Variants in BRD4 observed in about 807,000 individuals in gnomAD.
BRD4 encodes bromodomain containing 4.
A neutral mutation model predicts 142.1 loss-of-function variants in BRD4; 16 were observed. The observed-to-expected ratio is 0.11, with a 90% CI of 0.08 to 0.17. The LOEUF is 0.17. Ranked by LOEUF, BRD4 falls within the 10% of genes least tolerant of loss-of-function variation. The pLI is 1.00. For synonymous variants in BRD4, 833 were observed against 707.5 expected, an observed-to-expected ratio of 1.18 and a Z score of -2.82; for missense variants, 1,424 against 1,810.9, an observed-to-expected ratio of 0.79 and a Z score of 3.88.
At chr19:15,287,065 T>C (rs1346231420) in intron 1 of BRD4, among the ~76,000 whole-genome samples, 2 of 152,324 alleles carry the variant, frequency 1.3e-5, no homozygotes, top group South Asian at 2.1e-4. Context: ...TAAATCAACC[T>C]GCTCAACTAA....
intron 1 of BRD4, among the ~76,000 whole-genome samples, chr19:15,301,570 A>C (rs1309083249): frequency 1.4e-5 from 2 of 145,652 alleles, no homozygotes; most frequent in African/African-American, 2.6e-5. Context: ...CTCAAAACAA[A>C]AAAAAAAAAG....
At chr19:15,276,967 G>A (rs963090458) in intron 1 of BRD4, among the ~76,000 whole-genome samples, 1 of 152,172 alleles carries the variant, frequency 6.6e-6, no homozygotes, top group African/African-American at 2.4e-5. Context: ...GACCAGAGGC[G>A]GGGGAAGAGT....
chr19:15,239,451 C>T lies in BRD4; in HGVS notation c.3517G>A (p.Gly1173Arg), dbSNP rs2145500813. Residue 1173 changes from glycine to arginine, a missense_variant, in exon 17 of 20, where the codon GGG (glycine) becomes AGG (arginine). Gly to Arg is a moderately radical substitution (Grantham distance 125). This residue lies in a region of BRD4 where 598 missense variants were observed against 647.8 expected (regional missense o/e 0.92). Coordinates refer to ENST00000679869, the MANE Select transcript of BRD4 (RefSeq NM_001379291.1). The surrounding 1 kb of genome is among the most constrained non-coding windows in gnomAD (Gnocchi z 7.4). ...RPPEQNAPPP[G>R]APDKDKQKQE... The stretch of plus-strand genomic sequence containing the variant: ...TTCTGTTTGTCCTTGTCAGGGGCCC[C>T]TGGTGGCGGTGCGTTCTGCTCTGGG... 1 of 1,614,162 alleles carries T rather than the reference C, an allele frequency of 6.2e-7. No homozygotes were observed. Among genetic ancestry groups the T allele is most frequent in the Non-Finnish European group, 8.5e-7 (1 of 1,180,028 alleles).
At chr19:15,278,211 A>G (rs1227833629) in intron 1 of BRD4, among the ~76,000 whole-genome samples, 2 of 151,046 alleles carry the variant, frequency 1.3e-5, no homozygotes, top group African/African-American at 4.9e-5. Flanking sequence ...GGATTTGTGC[A>G]GCATCCAACA....
chr19:15,243,909 G>T (rs572599626), intron 13 of BRD4, among the ~76,000 whole-genome samples: 45 of 152,332 alleles, frequency 3.0e-4, no homozygotes, highest in Non-Finnish European at 4.7e-4. Flanking sequence ...AAAAGCTGCA[G>T]AGGGGTCCCA....
intron 11 of BRD4, chr19:15,249,383 C>A: frequency 8.7e-6 from 14 of 1,600,070 alleles, no homozygotes; most frequent in Non-Finnish European, 1.0e-5. Context: ...ACTGAGCCAA[C>A]CTCCTGCGCC....
chr19:15,239,334 C>CA lies in BRD4; in HGVS notation c.3576+57dup. The CA allele has an allele frequency of 1.2e-6, 2 of 1,614,078 alleles. No homozygotes were observed. Among genetic ancestry groups the CA allele is most frequent in the Non-Finnish European group, 1.7e-6 (2 of 1,180,014 alleles). ...TAAAGGGCATAGCTGGGGGTGTGCC[C>CA]AGCATGGCACCTTCCAGGGCCAAGG... On this transcript the variant is annotated intron_variant, in intron 17 of 19. Coordinates refer to ENST00000679869, the MANE Select transcript of BRD4 (RefSeq NM_001379291.1). The surrounding 1 kb of genome is among the most constrained non-coding windows in gnomAD (Gnocchi z 7.4).
intron 1 of BRD4, among the ~76,000 whole-genome samples, chr19:15,314,756 G>A (rs1057233518): frequency 6.6e-6 from 1 of 152,110 alleles, no homozygotes; most frequent in Admixed American, 6.6e-5. Flanking sequence ...TTACCACAGG[G>A]GACAGTGGCT....
At position 15,237,024 on chromosome 19, in the gene BRD4, A is replaced by T; in HGVS notation, c.*1353T>A. 4.9e-6 allele frequency: 1 copy of T among 205,540 alleles called. No individual in the cohort carries two copies. Among genetic ancestry groups the T allele is most frequent in the Non-Finnish European group, 9.9e-6 (1 of 101,026 alleles). 12.7% of individuals were successfully genotyped at this position (205,540 alleles called of 1,614,324 possible). On this transcript the variant is annotated 3_prime_UTR_variant, in exon 20 of 20. Transcript: ENST00000679869. Reference sequence around the variant, plus strand: ...GGCTCCAATTATAAAAATTAAAAAAAAAAAAAAAAAAAAGCATGGGCAGGA... The same window carrying T: ...GGCTCCAATTATAAAAATTAAAAAATAAAAAAAAAAAAAGCATGGGCAGGA...
intron 5 of BRD4, 66 bp from the exon 6 acceptor site, chr19:15,264,832 T>G (rs1218138986): frequency 3.5e-5 from 54 of 1,543,404 alleles, no homozygotes; most frequent in Non-Finnish European, 4.5e-5. Context: ...GCCCTCAGGG[T>G]CACCCCCAAA....
chr19:15,329,677 T>A (rs965598198), intron 1 of BRD4, among the ~76,000 whole-genome samples: 6 of 152,142 alleles, frequency 3.9e-5, no homozygotes, highest in Admixed American at 3.9e-4. Context: ...AGGCAGAGGT[T>A]GCAGTGAGCC....
At chr19:15,256,332 G>A (rs1599452151) in intron 8 of BRD4, 69 bp from the exon 9 acceptor site, 8 of 1,558,936 alleles carry the variant, frequency 5.1e-6, no homozygotes, top group Non-Finnish European at 6.0e-6. Context: ...AGACCCAGGC[G>A]TCTGCTCCAA....
Position 15,239,372 on chromosome 19 carries a change from C to G in BRD4, c.3576+20G>C. The G allele has an allele frequency of 6.2e-7, 1 of 1,614,170 alleles. No homozygotes were observed. Among genetic ancestry groups the G allele is most frequent in the Non-Finnish European group, 8.5e-7 (1 of 1,180,032 alleles). ...TCCAGGGCCAAGGGGCAAGCGACAC[C>G]CATGGACCTCCATCCCAACCTTTTT... On this transcript the variant is annotated intron_variant, in intron 17 of 19. Coordinates refer to ENST00000679869, the MANE Select transcript of BRD4 (RefSeq NM_001379291.1). The surrounding 1 kb of genome is among the most constrained non-coding windows in gnomAD (Gnocchi z 7.4).
In BRD4 at chr19:15,264,580, T is replaced by C; in HGVS notation, c.1036A>G (p.Lys346Glu). The change falls in exon 6 of 20, where the codon AAG becomes GAG. Residue 346 changes from lysine to glutamate, a missense_variant. Physicochemically the swap from Lys to Glu is moderately conservative, Grantham distance 56. Coordinates refer to ENST00000679869, the MANE Select transcript of BRD4 (RefSeq NM_001379291.1). ...PDSQQHPAPEKSSKVSEQLKC... is the reference protein window; with the variant it reads ...PDSQQHPAPEESSKVSEQLKC... ...AGCTGCTCCGAGACCTTGCTGCTCT[T>C]CTCTGGTGCTGGGTGCTGCTGAGAG... 1 of 1,614,170 alleles carries C rather than the reference T, an allele frequency of 6.2e-7. No homozygotes were observed. Among genetic ancestry groups the C allele is most frequent in the Non-Finnish European group, 8.5e-7 (1 of 1,180,022 alleles).
At chr19:15,263,204 A>G (rs2047492999) in intron 7 of BRD4, among the ~76,000 whole-genome samples, 1 of 152,194 alleles carries the variant, frequency 6.6e-6, no homozygotes, top group African/African-American at 2.4e-5. Context: ...GTGCTGGTGG[A>G]GGGGGCTTGC....
chr19:15,293,417 A>G (rs928516126), intron 1 of BRD4, among the ~76,000 whole-genome samples: 2 of 152,320 alleles, frequency 1.3e-5, no homozygotes, highest in East Asian at 3.9e-4. Flanking sequence ...TAGCAGTTAA[A>G]GGTACAAGAC....
intron 7 of BRD4, among the ~76,000 whole-genome samples, chr19:15,262,232 T>TCA (rs1189443643): frequency 1.3e-5 from 2 of 152,120 alleles, no homozygotes; most frequent in African/African-American, 4.8e-5. Flanking sequence ...TTCCAAGTCC[T>TCA]CACTTCTGCC....
rs1192169871 is a variant in BRD4 at position 15,243,329 on chromosome 19, C to T, written c.2740G>A (p.Glu914Lys). ...PMAQPPQVLL[E>K]DEEPPAPPLT... Reference sequence around the variant, plus strand: ...GGTGGGGCAGGTGGCTCTTCATCCTCCAGCAGCACTTGGGGGGGTTGGGCC... The same window carrying T: ...GGTGGGGCAGGTGGCTCTTCATCCTTCAGCAGCACTTGGGGGGGTTGGGCC... The change falls in exon 14 of 20, where the codon GAG becomes AAG. Residue 914 changes from glutamate to lysine, a missense_variant. This residue lies in a region of BRD4 where 598 missense variants were observed against 647.8 expected (regional missense o/e 0.92). Transcript: ENST00000679869. The T allele has an allele frequency of 1.4e-6, 2 of 1,437,342 alleles. No individual in the cohort carries two copies. Among genetic ancestry groups the T allele is most frequent in the Non-Finnish European group, 1.8e-6 (2 of 1,098,572 alleles). 89.0% of individuals were successfully genotyped at this position (1,437,342 alleles called of 1,614,324 possible).
intron 14 of BRD4, among the ~76,000 whole-genome samples, chr19:15,241,490 C>T (rs998190940): frequency 3.9e-5 from 6 of 152,208 alleles, no homozygotes; most frequent in Non-Finnish European, 5.9e-5. Context: ...CTACAAAGCC[C>T]CTAGCAGGAT....
Sources: allele counts gnomAD v4.1 joint callset (sites outside exome capture counted in the v4.1 genomes callset), GRCh38; gene constraint gnomAD v4.1.1; regional missense constraint gnomAD v4.1.1; non-coding constraint Gnocchi (gnomAD v3.1); transcripts MANE v1.5; gene names NCBI Gene and HGNC (gene_info 2026-07-23, HGNC 2026-07-21).